PPIL3: variants seen among roughly 807,000 people sequenced by gnomAD.
The protein encoded by PPIL3 is peptidylprolyl isomerase like 3.
A neutral mutation model predicts 20.9 loss-of-function variants in PPIL3; 13 were observed. The observed-to-expected ratio is 0.62, with a 90% CI of 0.40 to 0.99. PPIL3 has a LOEUF of 0.99. Among genes scored for constraint, PPIL3 ranks in the 50% least tolerant of loss-of-function variants. The pLI is 0.00. For synonymous variants in PPIL3, 71 were observed against 64.4 expected, an observed-to-expected ratio of 1.10 and a Z score of -0.49; for missense variants, 170 against 195.2, an observed-to-expected ratio of 0.87 and a Z score of 0.77.
chr2:200,873,963 T>G (rs1474355293), intron 6 of PPIL3, among the ~76,000 whole-genome samples: 3 of 150,788 alleles, frequency 2.0e-5, no homozygotes, highest in Non-Finnish European at 4.4e-5. Context: ...CTCAGCACTT[T>G]GGGAGGCCAA....
At position 200,871,411 on chromosome 2, in the gene PPIL3, T is replaced by C. The variant is rs376616606; in HGVS notation, c.470A>G (p.Asn157Ser). The C allele has an allele frequency of 1.9e-6, 3 of 1,611,198 alleles. No homozygotes were observed. The highest frequency in any genetic ancestry group is 2.7e-5 in the African/African-American group (2 of 74,814). The change falls in exon 7 of 7, where the codon AAC (asparagine) becomes AGC (serine). Residue 157 changes from asparagine (N) to serine (S), a missense_variant. Physicochemically the swap from Asn to Ser is conservative, Grantham distance 46 (BLOSUM62 1). Coordinates refer to ENST00000392283, the MANE Select transcript of PPIL3 (RefSeq NM_130906.3). ...CTATCATAGCTACTGAGCAAATGGG[T>C]TGGCATGAATAGTTATGTCCTTAAT... The part of the protein sequence containing the change: ...VHIKDITIHA[N>S]PFAQ
rs1249651353 is a variant in PPIL3, at chr2:200,870,999, T to C, written c.*396A>G. The C allele has an allele frequency of 6.4e-6, 1 of 155,204 alleles. No homozygotes were observed. Among genetic ancestry groups the C allele is most frequent in the African/African-American group, 2.5e-5 (1 of 40,684 alleles). 9.6% of individuals were successfully genotyped at this position (155,204 alleles called of 1,614,324 possible). On this transcript the variant is annotated 3_prime_UTR_variant, in exon 7 of 7. Coordinates refer to ENST00000392283, the MANE Select transcript of PPIL3 (RefSeq NM_130906.3). ...ACACAATATTTTAATTAATTTGTCC[T>C]ACGATTTAATTCTTTAAAACTTTTT... is the stretch of plus-strand genomic sequence containing the variant.
intron 3 of PPIL3, chr2:200,885,162 G>C (rs984108540): frequency 1.2e-5 from 2 of 170,336 alleles, no homozygotes; most frequent in African/African-American, 4.9e-5. Context: ...CCTGAGGTTA[G>C]AAGTTTGAGA....
intron 3 of PPIL3, 132 bp downstream of exon 3, chr2:200,885,566 A>C (rs2124834232): frequency 1.5e-6 from 1 of 645,478 alleles, no homozygotes; most frequent in East Asian, 2.9e-5. Context: ...GCCAGAAGTT[A>C]GGATGGCTAG....
At position 200,871,405 on chromosome 2, in the gene PPIL3, A is replaced by G. The variant is rs2039298818; in HGVS notation, c.476T>C (p.Phe159Ser). Residue 159 changes from phenylalanine to serine, a missense_variant, in exon 7 of 7, where the codon TTT becomes TCT. Physicochemically the swap from Phe to Ser is radical, Grantham distance 155 (BLOSUM62 -2). Coordinates refer to ENST00000392283, the MANE Select transcript of PPIL3 (RefSeq NM_130906.3). Reference sequence around the variant, plus strand: ...CCAGGTCTATCATAGCTACTGAGCAAATGGGTTGGCATGAATAGTTATGTC... The same window carrying G: ...CCAGGTCTATCATAGCTACTGAGCAGATGGGTTGGCATGAATAGTTATGTC... ...IKDITIHANP[F>S]AQ 6.2e-7 allele frequency: 1 copy of G among 1,610,906 alleles called. No individual in the cohort carries two copies. The highest frequency in any genetic ancestry group is 1.7e-5 in the Admixed American group (1 of 59,552).
At chr2:200,875,809 A>G (rs528952839) in intron 6 of PPIL3, among the ~76,000 whole-genome samples, 4 of 151,998 alleles carry the variant, frequency 2.6e-5, no homozygotes, top group Non-Finnish European at 5.9e-5. Flanking sequence ...CCTGGCCTCA[A>G]GTGATCCTCC....
Position 200,887,662 on chromosome 2 carries a change from T to C in PPIL3, c.-47A>G, listed in dbSNP as rs2039996095. 2.6e-6 allele frequency: 4 copies of C among 1,557,206 alleles called. No individual in the cohort carries two copies. The highest frequency in any genetic ancestry group is 2.6e-6 in the Non-Finnish European group (3 of 1,146,334). ...GAAGGACTACGTGATTTCTCAGTCT[T>C]ACAGCGAGCTCAAAAATAAGTCTCT... On this transcript the variant is annotated 5_prime_UTR_variant, in exon 2 of 7. Transcript: ENST00000392283.
chr2:200,880,689 C>T (rs987750163), intron 5 of PPIL3, among the ~76,000 whole-genome samples: 14 of 152,036 alleles, frequency 9.2e-5, no homozygotes, highest in African/African-American at 3.4e-4. Context: ...GAGGATACTT[C>T]ATTGCTCTTT....
At chr2:200,888,659 G>A in intron 1 of PPIL3, 1 of 236,262 alleles carries the variant, frequency 4.2e-6, no homozygotes, top group South Asian at 4.2e-5. Context: ...CCGAGTAGGT[G>A]GGACTACAGG....
intron 4 of PPIL3, chr2:200,881,782 A>G (rs923776267): frequency 4.3e-5 from 15 of 347,056 alleles, no homozygotes; most frequent in Admixed American, 8.9e-5. Flanking sequence ...TCTTCTCTGT[A>G]TTGTTCAAAT....
intron 5 of PPIL3, 31 bp downstream of exon 5, chr2:200,881,390 G>A: frequency 6.4e-7 from 1 of 1,563,882 alleles, no homozygotes. Context: ...CAAGGCATGA[G>A]AAATAGATTT....
chr2:200,881,640 C>A, intron 4 of PPIL3, 152 bp from the exon 5 acceptor site: 1 of 614,720 alleles, frequency 1.6e-6, no homozygotes, highest in Non-Finnish European at 2.8e-6. Context: ...TTTAACTTCA[C>A]AGACCTGAAG....
At chr2:200,888,402 T>G (rs1183507413) in intron 1 of PPIL3, 1 of 153,292 alleles carries the variant, frequency 6.5e-6, no homozygotes. Flanking sequence ...CCACAGCACT[T>G]ATCACTAATA....
Position 200,888,972 on chromosome 2 carries a change from C to T in PPIL3, c.-87G>A. ...ACTCCATACTTGGGCTTCACCACTTCGTCTAGCACAGCCGTTGTTAAAACA... is the reference window on the plus strand; with the variant it reads ...ACTCCATACTTGGGCTTCACCACTTTGTCTAGCACAGCCGTTGTTAAAACA... On this transcript the variant is annotated 5_prime_UTR_variant, in exon 1 of 7. Transcript: ENST00000392283. The T allele has an allele frequency of 4.2e-6, 2 of 471,216 alleles. No individual in the cohort carries two copies. The highest frequency in any genetic ancestry group is 6.9e-5 in the East Asian group (1 of 14,400). The allele number at this position is 471,216 out of a possible 1,614,324, so 29.2% of individuals were successfully genotyped here.
At chr2:200,888,427 CT>C (rs35240360) in intron 1 of PPIL3, 6,640 of 143,138 alleles carry the variant, frequency 0.046, 325 homozygotes, top group African/African-American at 0.12. Context: ...ATGAAATTCG[CT>C]TTTTTTTTTT....
intron 3 of PPIL3, chr2:200,885,375 A>G (rs1016908349): frequency 5.8e-6 from 2 of 345,406 alleles, no homozygotes; most frequent in Admixed American, 4.7e-5. Flanking sequence ...CATCTCAAAA[A>G]AAAATAATAA....
chr2:200,887,991 A>G (rs1402668988), intron 1 of PPIL3, among the ~76,000 whole-genome samples: 1 of 144,216 alleles, frequency 6.9e-6, no homozygotes, highest in East Asian at 2.1e-4. Context: ...CAGGAGGCGG[A>G]GGCTGCAGTG....
chr2:200,874,239 A>G (rs1055417944), intron 6 of PPIL3, among the ~76,000 whole-genome samples: 42 of 151,386 alleles, frequency 2.8e-4, no homozygotes, highest in East Asian at 1.9e-4. Context: ...GCAGATTTGC[A>G]TTTTATTTTG....
In PPIL3 at chr2:200,887,617, T is replaced by A; in HGVS notation, c.-2A>T. The A allele has an allele frequency of 6.2e-7, 1 of 1,604,942 alleles. No homozygotes were observed. The highest frequency in any genetic ancestry group is 8.5e-7 in the Non-Finnish European group (1 of 1,174,778). ...TAAAAATTGCTCAAAACTTACCATT[T>A]TTCCTCTTAGTGGTTTCAGGAAGGA... On this transcript the variant is annotated 5_prime_UTR_variant, in exon 2 of 7. Transcript: ENST00000392283.
Sources: allele counts gnomAD v4.1 joint callset (sites outside exome capture counted in the v4.1 genomes callset), GRCh38; gene constraint gnomAD v4.1.1; transcripts MANE v1.5; gene names NCBI Gene and HGNC (gene_info 2026-07-23, HGNC 2026-07-21).